SLC27A5: variants seen among roughly 807,000 people sequenced by gnomAD.
SLC27A5 encodes the protein long-chain fatty acid transport protein 5.
In SLC27A5, 47 loss-of-function variants were observed where a neutral mutation model predicts 63.1. The observed-to-expected ratio is 0.74, with a 90% confidence interval of 0.59 to 0.95. The LOEUF (loss-of-function observed/expected upper bound fraction) is 0.95, where lower values mean the gene tolerates loss of function less well. Ranked by LOEUF, SLC27A5 falls within the 40% of genes least tolerant of loss-of-function variation. The probability of loss-of-function intolerance (pLI) is 0.00; values close to 1 mark genes in which losing one functional copy is unlikely to be tolerated. For missense variants in SLC27A5, 940 were observed against 921.0 expected (o/e 1.02, Z -0.27); for synonymous variants, 391 against 403.8 (o/e 0.97, Z 0.38).
intron 3 of SLC27A5, among the ~76,000 whole-genome samples, chr19:58,502,630 T>G (rs55746751): frequency 0.014 from 781 of 56,446 alleles, 5 homozygotes; most frequent in Middle Eastern, 0.024. Context: ...AAGATGGATG[T>G]GTGGACAGAG....
Position 58,510,893 on chromosome 19 carries a change from C to T in SLC27A5, c.726G>A (p.Leu242=). The change falls in exon 2 of 10, where the codon CTG becomes CTA. Residue 242 remains leucine (L), a synonymous_variant. Coordinates refer to ENST00000263093, the MANE Select transcript of SLC27A5 (RefSeq NM_012254.3). Reference sequence around the variant, plus strand: ...AGAAGCAGCGGATGTTCTCAGCCTGCAGCTTGGGAAGGATCTCCTCCAGGC... The same window carrying T: ...AGAAGCAGCGGATGTTCTCAGCCTGTAGCTTGGGAAGGATCTCCTCCAGGC... ...RESLEEILPK[L]QAENIRCFYL... 1 of 1,611,568 alleles carries T rather than the reference C, an allele frequency of 6.2e-7. No homozygotes were observed. The highest frequency in any genetic ancestry group is 1.7e-5 in the Admixed American group (1 of 59,858).
At chr19:58,502,671 TTAGAG>T (rs999103189) in intron 3 of SLC27A5, among the ~76,000 whole-genome samples, 2 of 138,012 alleles carry the variant, frequency 1.4e-5, no homozygotes, top group East Asian at 2.2e-4. Flanking sequence ...GGGTGAACAG[TTAGAG>T]TAGTGAGTGA....
intron 8 of SLC27A5, 29 bp from the exon 9 acceptor site, chr19:58,498,944 G>A: frequency 6.2e-7 from 1 of 1,602,404 alleles, no homozygotes; most frequent in African/African-American, 1.3e-5. Context: ...ACTCTCGGCT[G>A]ACCCATCTCG....
Position 58,511,361 on chromosome 19 carries a change from A to C in SLC27A5, c.595T>G (p.Cys199Gly), listed in dbSNP as rs755849441. The C allele has an allele frequency of 2.5e-6, 4 of 1,606,176 alleles. No homozygotes were observed. The Admixed American group carries it at 6.7e-5, about 27-fold the overall frequency. ...TGCGGGTTGATCCAGGCTGTTGGGC[A>C]GCCCAGCTTGGCCAGCCCCAGCCAC... ...CMWLGLAKLG[C>G]PTAWINPHGR... is the part of the protein sequence containing the mutation. The change falls in exon 1 of 10, where the codon TGC becomes GGC. Residue 199 changes from cysteine to glycine, a missense_variant. Cys to Gly is a radical substitution (Grantham distance 159). Transcript: ENST00000263093.
In SLC27A5 at chr19:58,498,638, A is replaced by G. The variant is rs758978250; in HGVS notation, c.1950T>C (p.Arg650=). The G allele has an allele frequency of 1.2e-6, 2 of 1,614,168 alleles. No homozygotes were observed. Among genetic ancestry groups the G allele is most frequent in the Non-Finnish European group, 1.7e-6 (2 of 1,180,028 alleles). ...TFKLMKTRLV[R]EGFNVGIVVD... ...CCACGATCCCCACATTGAAGCCCTC[A>G]CGCACCAACCGGGTCTTCATCAGTT... Residue 650 remains arginine, a synonymous_variant, in exon 10 of 10, where the codon CGT becomes CGC. Transcript: ENST00000263093.
At chr19:58,511,216 A>G (rs2053406514) in intron 1 of SLC27A5, 52 bp downstream of exon 1, 4 of 1,491,356 alleles carry the variant, frequency 2.7e-6, no homozygotes, top group African/African-American at 2.8e-5. Context: ...CCCCTGTCCT[A>G]TAGTCCCTGC....
intron 3 of SLC27A5, among the ~76,000 whole-genome samples, chr19:58,505,792 G>A (rs376663012): frequency 1.8e-4 from 26 of 145,398 alleles, no homozygotes; most frequent in East Asian, 1.7e-3. Flanking sequence ...AGGTTGCAGT[G>A]AGCCGACATC....
intron 2 of SLC27A5, chr19:58,510,224 G>A: frequency 2.0e-6 from 1 of 501,050 alleles, no homozygotes; most frequent in Non-Finnish European, 3.5e-6. Flanking sequence ...CTGGACACAG[G>A]AAGAATTCTG....
intron 7 of SLC27A5, 66 bp from the exon 8 acceptor site, chr19:58,499,286 C>G (rs767303637): frequency 2.3e-5 from 35 of 1,506,390 alleles, no homozygotes; most frequent in Non-Finnish European, 3.1e-5. Flanking sequence ...CTCTTGCCCC[C>G]GCCCCGCCCC....
chr19:58,499,352 G>T, intron 7 of SLC27A5, 132 bp from the exon 8 acceptor site: 1 of 1,215,646 alleles, frequency 8.2e-7, no homozygotes, highest in Non-Finnish European at 1.1e-6. Context: ...GAGAAGCCCC[G>T]CCTTCGCGTG....
chr19:58,510,701 G>T lies in SLC27A5; in HGVS notation c.898+20C>A. ...CCTGAGAGTTCAGAGGCTGGTGCTA[G>T]GGCTAATGGGCACCCTCACCAGTGG... is the stretch of plus-strand genomic sequence containing the variant. On this transcript the variant is annotated intron_variant, in intron 2 of 9. Coordinates refer to ENST00000263093, the MANE Select transcript of SLC27A5 (RefSeq NM_012254.3). 1 of 1,575,242 alleles carries T rather than the reference G, an allele frequency of 6.3e-7. No homozygotes were observed. Among genetic ancestry groups the T allele is most frequent in the Admixed American group, 1.8e-5 (1 of 56,454 alleles).
rs556370216 is a variant in SLC27A5, at chr19:58,502,065, G to A, written c.1058-655C>T. Among the ~76,000 whole-genome samples, 17 of 152,358 alleles carry A rather than the reference G, an allele frequency of 1.1e-4. No individual in the cohort carries two copies. In the South Asian group the frequency reaches 3.5e-3, roughly 32 times the overall value. ...TAAATGAATGCCCAGCTAAGCAGAT[G>A]GGTGGGCAGGTGGATGGATATGGTG... On this transcript the variant is annotated intron_variant, in intron 3 of 9. Coordinates refer to ENST00000263093, the MANE Select transcript of SLC27A5 (RefSeq NM_012254.3).
intron 3 of SLC27A5, among the ~76,000 whole-genome samples, chr19:58,506,673 G>C (rs2053351441): frequency 6.7e-6 from 1 of 149,528 alleles, no homozygotes; most frequent in East Asian, 1.9e-4. Context: ...TTGCAAGGGA[G>C]TTTCACTCTT....
chr19:58,510,965 G>C (rs985079716), intron 1 of SLC27A5, 35 bp from the exon 2 acceptor site: 2 of 1,522,756 alleles, frequency 1.3e-6, no homozygotes, highest in African/African-American at 2.7e-5. Flanking sequence ...ACAGAGGCAA[G>C]GCTCACCTTT....
chr19:58,498,876 G>T lies in SLC27A5; in HGVS notation c.1805C>A (p.Ala602Asp), dbSNP rs776541721. 1 of 1,613,630 alleles carries T rather than the reference G, an allele frequency of 6.2e-7. No individual in the cohort carries two copies. Among genetic ancestry groups the T allele is most frequent in the Non-Finnish European group, 8.5e-7 (1 of 1,180,004 alleles). The change falls in exon 9 of 10, where the codon GCC (alanine) becomes GAC (aspartate). Residue 602 changes from alanine (A) to aspartate (D), a missense_variant. Physicochemically the swap from Ala to Asp is moderately radical, Grantham distance 126. Coordinates refer to ENST00000263093, the MANE Select transcript of SLC27A5 (RefSeq NM_012254.3). ...CTCCCCGTCGAAAGTCTGGCCGGGGGCTAGCTGCACAGCAGCCATGCCCAC... is the reference window on the plus strand; with the variant it reads ...CTCCCCGTCGAAAGTCTGGCCGGGGTCTAGCTGCACAGCAGCCATGCCCAC... ...GKVGMAAVQL[A>D]PGQTFDGEKL...
In SLC27A5 at chr19:58,509,896, C is replaced by G. The variant is rs2053389874; in HGVS notation, c.1008G>C (p.Leu336=). 3 of 1,613,786 alleles carry G rather than the reference C, an allele frequency of 1.9e-6. No homozygotes were observed. The highest frequency in any genetic ancestry group is 2.5e-6 in the Non-Finnish European group (3 of 1,179,954). The change falls in exon 3 of 10, where the codon CTG becomes CTC. Residue 336 remains leucine (L), a synonymous_variant. Coordinates refer to ENST00000263093, the MANE Select transcript of SLC27A5 (RefSeq NM_012254.3). ...ADDVVYTVLP[L]YHVMGLVVGI... is the part of the protein sequence containing the mutation. ...CAACGACAAGTCCCATCACGTGGTA[C>G]AGAGGCAGGACCGTGTAAACCACAT... is the stretch of plus-strand genomic sequence containing the variant.
intron 1 of SLC27A5, 36 bp from the exon 2 acceptor site, chr19:58,510,966 G>C (rs1364253391): frequency 3.3e-6 from 5 of 1,517,014 alleles, no homozygotes; most frequent in Non-Finnish European, 8.9e-7. Flanking sequence ...CAGAGGCAAG[G>C]CTCACCTTTG....
chr19:58,507,999 G>A (rs576450851), intron 3 of SLC27A5: 2 of 152,256 alleles, frequency 1.3e-5, no homozygotes, highest in Non-Finnish European at 2.9e-5. Context: ...TTCTGCTTTT[G>A]CCCTTTGCCT....
chr19:58,503,159 A>G (rs188137817), intron 3 of SLC27A5, among the ~76,000 whole-genome samples: 4 of 150,020 alleles, frequency 2.7e-5, no homozygotes, highest in East Asian at 2.0e-4. Context: ...GAGCCGAGAT[A>G]GCGCCACTGC....
Sources: allele counts gnomAD v4.1 joint callset (sites outside exome capture counted in the v4.1 genomes callset), GRCh38; gene constraint gnomAD v4.1.1; transcripts MANE v1.5; gene names NCBI Gene and HGNC (gene_info 2026-07-23, HGNC 2026-07-21).